Variants in LRRC2 observed in about 807,000 individuals in gnomAD.
The protein encoded by LRRC2 is leucine-rich repeat-containing protein 2.
Under a neutral mutation model 40.2 loss-of-function variants are expected in LRRC2, and 27 were observed. The ratio of observed to expected loss-of-function variants is 0.67; its 90% CI spans 0.49 to 0.93. The LOEUF (loss-of-function observed/expected upper bound fraction) is 0.93, where lower values mean the gene tolerates loss of function less well. Among genes scored for constraint, LRRC2 ranks in the 40% least tolerant of loss-of-function variants. LRRC2 has a pLI of 0.00. For synonymous variants in LRRC2, 147 were observed against 158.9 expected, an observed-to-expected ratio of 0.92 and a Z score of 0.56; for missense variants, 402 against 439.6, an observed-to-expected ratio of 0.91 and a Z score of 0.76.
intron 3 of LRRC2, among the ~76,000 whole-genome samples, chr3:46,542,522 G>T (rs909128903): frequency 8.1e-6 from 1 of 122,768 alleles, no homozygotes; most frequent in African/African-American, 3.0e-5. Context: ...GAAAAAAAAA[G>T]AAGAAAAGAA....
chr3:46,542,234 C>A (rs1435481045), intron 3 of LRRC2, among the ~76,000 whole-genome samples: 3 of 151,832 alleles, frequency 2.0e-5, no homozygotes, highest in Non-Finnish European at 4.4e-5. Flanking sequence ...GCATCCCCCC[C>A]AAAAAAACTA....
At chr3:46,551,297 C>A (rs1418855567) in intron 2 of LRRC2, 170 bp downstream of exon 2, 27 of 652,342 alleles carry the variant, frequency 4.1e-5, no homozygotes, top group Non-Finnish European at 2.4e-6. Context: ...ATCATAGGAA[C>A]TGCGTATTTG....
intron 1 of LRRC2, among the ~76,000 whole-genome samples, chr3:46,561,787 G>A (rs1289419254): frequency 6.7e-6 from 1 of 150,242 alleles, no homozygotes; most frequent in Non-Finnish European, 1.5e-5. Flanking sequence ...ACCAGGGTGG[G>A]CCCTGGACTG....
chr3:46,557,091 T>C (rs1262695048), intron 1 of LRRC2, among the ~76,000 whole-genome samples: 1 of 152,240 alleles, frequency 6.6e-6, no homozygotes, highest in Non-Finnish European at 1.5e-5. Context: ...GAATCCCCTG[T>C]GACTTGCACG....
At chr3:46,550,960 C>T (rs1704632149) in intron 2 of LRRC2, 1 of 152,204 alleles carries the variant, frequency 6.6e-6, no homozygotes, top group African/African-American at 2.4e-5. Flanking sequence ...ATATACATAA[C>T]TTTCTTTTAC....
intron 8 of LRRC2, 96 bp from the exon 9 acceptor site, chr3:46,519,159 C>A: frequency 1.2e-6 from 1 of 826,454 alleles, no homozygotes; most frequent in South Asian, 1.4e-5. Context: ...TATGTCAATA[C>A]ACCCATTATT....
chr3:46,554,221 A>G (rs1704735807), intron 1 of LRRC2, among the ~76,000 whole-genome samples: 1 of 119,228 alleles, frequency 8.4e-6, no homozygotes, highest in East Asian at 3.1e-4. Context: ...TGGTCCCACT[A>G]TGTTGCCCAG....
At chr3:46,545,910 C>A (rs564753631) in intron 2 of LRRC2, among the ~76,000 whole-genome samples, 15 of 152,322 alleles carry the variant, frequency 9.8e-5, no homozygotes, top group Admixed American at 8.5e-4. Flanking sequence ...GTGGGCCTTT[C>A]TTCATTTAGG....
chr3:46,562,342 C>T (rs1190436584), intron 1 of LRRC2, among the ~76,000 whole-genome samples: 1 of 152,162 alleles, frequency 6.6e-6, no homozygotes, highest in Admixed American at 6.5e-5. Flanking sequence ...ACGGCAGCCC[C>T]TGTGGACATC....
Position 46,545,166 on chromosome 3 carries a change from G to C in LRRC2, c.213C>G (p.Thr71=), listed in dbSNP as rs777005827. 4.3e-6 allele frequency: 7 copies of C among 1,614,076 alleles called. No individual in the cohort carries two copies. In the Admixed American group the frequency reaches 5.0e-5, roughly 12 times the overall value. ...AVYCKNGFID[T]SVRLLDKIER... is the part of the protein sequence containing the mutation. ...CAATCTTGTCCAGAAGCCGCACGCT[G>C]GTGTCTATGAAGCCATTCTTGCAGT... is the stretch of plus-strand genomic sequence containing the variant. The change falls in exon 3 of 9, where the codon ACC becomes ACG. Residue 71 remains threonine (T), a synonymous_variant. Transcript: ENST00000395905.
intron 1 of LRRC2, chr3:46,558,801 C>T (rs1704871920): frequency 6.6e-6 from 1 of 152,192 alleles, no homozygotes; most frequent in Non-Finnish European, 1.5e-5. Context: ...TGACGGTTTG[C>T]TCCACTCTTT....
intron 2 of LRRC2, among the ~76,000 whole-genome samples, chr3:46,548,071 T>C (rs1704569487): frequency 6.6e-6 from 1 of 152,208 alleles, no homozygotes; most frequent in Non-Finnish European, 1.5e-5. Flanking sequence ...TGTCTCTAAC[T>C]TTTCTTTCCT....
At chr3:46,539,272 T>A (rs1704334942) in intron 3 of LRRC2, 71 bp from the exon 4 acceptor site, 1 of 1,453,026 alleles carries the variant, frequency 6.9e-7, no homozygotes, top group Admixed American at 2.0e-5. Flanking sequence ...AAACCAAGCA[T>A]TTATTTTAAA....
chr3:46,533,049 G>T (rs1199608234), intron 4 of LRRC2, 140 bp from the exon 5 acceptor site: 1 of 843,472 alleles, frequency 1.2e-6, no homozygotes, highest in Non-Finnish European at 1.8e-6. Context: ...GGGTTTTGGG[G>T]GGTGTATCTA....
intron 2 of LRRC2, among the ~76,000 whole-genome samples, chr3:46,547,789 G>A (rs184660083): frequency 7.2e-4 from 109 of 152,056 alleles, no homozygotes; most frequent in African/African-American, 2.5e-3. Flanking sequence ...AAGAGAAGTG[G>A]GCTCCTCTGG....
chr3:46,543,656 T>TAAA (rs1559415734), intron 3 of LRRC2, among the ~76,000 whole-genome samples: 34 of 102,362 alleles, frequency 3.3e-4, no homozygotes, highest in South Asian at 3.1e-3. Context: ...TAATAAATAA[T>TAAA]AAATACCCTT....
intron 2 of LRRC2, among the ~76,000 whole-genome samples, chr3:46,545,800 G>A (rs1386068201): frequency 2.6e-5 from 4 of 152,178 alleles, no homozygotes; most frequent in Non-Finnish European, 5.9e-5. Flanking sequence ...CACATCCATA[G>A]CTTATCCCCC....
At chr3:46,553,806 A>G (rs540394746) in intron 1 of LRRC2, among the ~76,000 whole-genome samples, 1 of 152,252 alleles carries the variant, frequency 6.6e-6, no homozygotes, top group South Asian at 2.1e-4. Flanking sequence ...TAATCTTCTG[A>G]CTCAAGAATG....
chr3:46,547,668 G>GA (rs869095351), intron 2 of LRRC2, among the ~76,000 whole-genome samples: 8 of 123,598 alleles, frequency 6.5e-5, no homozygotes, highest in African/African-American at 2.4e-4. Context: ...AAAATTACAA[G>GA]AAAAAAAAAA....
Sources: allele counts gnomAD v4.1 joint callset (sites outside exome capture counted in the v4.1 genomes callset), GRCh38; gene constraint gnomAD v4.1.1; transcripts MANE v1.5; gene names NCBI Gene and HGNC (gene_info 2026-07-23, HGNC 2026-07-21).